IL20RB: variants seen among roughly 807,000 people sequenced by gnomAD.
IL20RB encodes interleukin 20 receptor subunit beta, also known as interleukin-20 receptor subunit beta.
IL20RB carries 21 observed loss-of-function variants against 33.3 expected under a neutral mutation model. That is an observed-to-expected ratio of 0.63 (90% CI 0.45 to 0.91). The LOEUF is 0.91. Among genes scored for constraint, IL20RB ranks in the 40% least tolerant of loss-of-function variants. The pLI, the probability that IL20RB is intolerant of heterozygous loss-of-function variation, is 0.00. For synonymous variants in IL20RB, 147 were observed against 146.8 expected, an observed-to-expected ratio of 1.00 and a Z score of -0.01; for missense variants, 345 against 384.8, an observed-to-expected ratio of 0.90 and a Z score of 0.86.
At chr3:136,992,855 C>T (rs1942058834) in intron 5 of IL20RB, among the ~76,000 whole-genome samples, 1 of 152,158 alleles carries the variant, frequency 6.6e-6, no homozygotes. Context: ...GTGTGAGCCA[C>T]CATGCTCAGC....
intron 5 of IL20RB, among the ~76,000 whole-genome samples, chr3:136,993,038 C>G (rs537731373): frequency 5.3e-5 from 8 of 152,174 alleles, no homozygotes; most frequent in African/African-American, 1.9e-4. Context: ...GTCAAGCTTG[C>G]TTAACAATCC....
At chr3:137,004,744 G>T (rs1333104482) in intron 6 of IL20RB, among the ~76,000 whole-genome samples, 2 of 151,978 alleles carry the variant, frequency 1.3e-5, no homozygotes, top group Non-Finnish European at 2.9e-5. Context: ...TTTTTGACGG[G>T]TTTTTTTGTG....
At position 136,991,981 on chromosome 3, in the gene IL20RB, T is replaced by C; in HGVS notation, c.575T>C (p.Leu192Pro). The change falls in exon 5 of 7, where the codon CTA (leucine) becomes CCA (proline). Residue 192 changes from leucine (L) to proline (P), a missense_variant. Leu to Pro is a moderately conservative substitution (Grantham distance 98). Coordinates refer to ENST00000329582, the MANE Select transcript of IL20RB (RefSeq NM_144717.4). Reference protein sequence around the residue: ...MVRSGGIPVHLETMEPGAAYC... With the variant: ...MVRSGGIPVHPETMEPGAAYC... ...AGGAGTGGGGGTATTCCAGTGCACC[T>C]AGAAACCATGGAGCCAGGGGCTGCA... 6.2e-7 allele frequency: 1 copy of C among 1,614,148 alleles called. No individual in the cohort carries two copies. Among genetic ancestry groups the C allele is most frequent in the Non-Finnish European group, 8.5e-7 (1 of 1,180,024 alleles).
At chr3:136,987,623 C>T (rs1007590216) in intron 3 of IL20RB, among the ~76,000 whole-genome samples, 1 of 152,154 alleles carries the variant, frequency 6.6e-6, no homozygotes, top group Non-Finnish European at 1.5e-5. Context: ...TGGGACTGGG[C>T]GCCGTGGAGC....
chr3:136,964,252 C>T (rs1941313839), intron 1 of IL20RB, among the ~76,000 whole-genome samples: 1 of 53,364 alleles, frequency 1.9e-5, no homozygotes, highest in Non-Finnish European at 3.4e-5. Flanking sequence ...AGTTCTAGAT[C>T]CCTGAGGAAT....
intron 6 of IL20RB, among the ~76,000 whole-genome samples, chr3:136,997,787 T>G (rs1942160078): frequency 2.0e-5 from 3 of 152,056 alleles, no homozygotes; most frequent in Non-Finnish European, 4.4e-5. Flanking sequence ...AACTTTTTTT[T>G]TTTTGAGACG....
chr3:137,006,055 T>C (rs1490975366), intron 6 of IL20RB, among the ~76,000 whole-genome samples: 2 of 152,230 alleles, frequency 1.3e-5, no homozygotes, highest in African/African-American at 2.4e-5. Flanking sequence ...AAATTCTGGG[T>C]TGAAAATTCT....
At chr3:137,004,092 T>C (rs192345590) in intron 6 of IL20RB, among the ~76,000 whole-genome samples, 1 of 152,334 alleles carries the variant, frequency 6.6e-6, no homozygotes, top group African/African-American at 2.4e-5. Flanking sequence ...TGAATCAGCC[T>C]TGCATCCCAG....
chr3:136,960,911 G>A (rs1221896508), intron 1 of IL20RB, among the ~76,000 whole-genome samples: 1 of 152,220 alleles, frequency 6.6e-6, no homozygotes, highest in Non-Finnish European at 1.5e-5. Flanking sequence ...GGTGGCAGAA[G>A]AGGATCCAAA....
chr3:136,982,720 A>G (rs1941807790), intron 3 of IL20RB, among the ~76,000 whole-genome samples: 1 of 151,988 alleles, frequency 6.6e-6, no homozygotes, highest in African/African-American at 2.4e-5. Context: ...AGGCCTCATT[A>G]ACTGCATATT....
intron 6 of IL20RB, among the ~76,000 whole-genome samples, chr3:137,002,535 G>A (rs907697200): frequency 2.6e-5 from 4 of 152,000 alleles, no homozygotes; most frequent in African/African-American, 4.8e-5. Context: ...GTGATGATGA[G>A]CATTTTTTCA....
At chr3:136,970,481 C>G (rs1941445480) in intron 1 of IL20RB, among the ~76,000 whole-genome samples, 2 of 152,140 alleles carry the variant, frequency 1.3e-5, no homozygotes, top group Non-Finnish European at 2.9e-5. Flanking sequence ...TTTCTGGAAT[C>G]TCTATTCTGT....
At chr3:136,997,125 T>C (rs547224648) in intron 6 of IL20RB, among the ~76,000 whole-genome samples, 1 of 151,384 alleles carries the variant, frequency 6.6e-6, no homozygotes, top group South Asian at 2.1e-4. Context: ...CGAGACGGAG[T>C]TTCGCTGTCA....
At chr3:136,993,250 C>T (rs1942066352) in intron 5 of IL20RB, among the ~76,000 whole-genome samples, 1 of 152,138 alleles carries the variant, frequency 6.6e-6, no homozygotes, top group Admixed American at 6.5e-5. Context: ...GCACATCACT[C>T]AGGAGGTTTC....
At chr3:137,009,612 T>G (rs1933031059) in intron 6 of IL20RB, among the ~76,000 whole-genome samples, 2 of 152,012 alleles carry the variant, frequency 1.3e-5, no homozygotes, top group African/African-American at 4.8e-5. Context: ...GATCAGAGCT[T>G]AACTGCAGCC....
chr3:136,985,337 C>CTTT (rs35515236), intron 3 of IL20RB, among the ~76,000 whole-genome samples: 2 of 137,286 alleles, frequency 1.5e-5, no homozygotes, highest in African/African-American at 5.5e-5. Flanking sequence ...CTCTCTCTCT[C>CTTT]TTTTTTTTTT....
chr3:136,963,999 C>T (rs1254443605), intron 1 of IL20RB, among the ~76,000 whole-genome samples: 2 of 54,594 alleles, frequency 3.7e-5, no homozygotes, highest in Non-Finnish European at 6.7e-5. Flanking sequence ...CAATTTCATC[C>T]ATGTCCCTAC....
At chr3:136,990,630 G>A (rs926574124) in intron 4 of IL20RB, among the ~76,000 whole-genome samples, 1 of 152,172 alleles carries the variant, frequency 6.6e-6, no homozygotes, top group Non-Finnish European at 1.5e-5. Flanking sequence ...GGTCTTGCTC[G>A]TCTTATCAGG....
At chr3:137,004,300 C>G (rs1024979571) in intron 6 of IL20RB, among the ~76,000 whole-genome samples, 4 of 152,130 alleles carry the variant, frequency 2.6e-5, no homozygotes, top group African/African-American at 9.7e-5. Flanking sequence ...GGGAGGAATT[C>G]CCTCCTTTTC....
Sources: allele counts gnomAD v4.1 joint callset (sites outside exome capture counted in the v4.1 genomes callset), GRCh38; gene constraint gnomAD v4.1.1; transcripts MANE v1.5; gene names NCBI Gene and HGNC (gene_info 2026-07-23, HGNC 2026-07-21).